Variants in GCNT2 observed in about 807,000 individuals in gnomAD.
GCNT2 encodes N-acetyllactosaminide beta-1,6-N-acetylglucosaminyl-transferase.
GCNT2 carries 34 observed loss-of-function variants against 34.2 expected under a neutral mutation model. That is an observed-to-expected ratio of 1.00 (90% CI 0.76 to 1.32). The LOEUF (loss-of-function observed/expected upper bound fraction) is 1.32, where lower values mean the gene tolerates loss of function less well. Among genes scored for constraint, GCNT2 ranks in the 40% most tolerant of loss-of-function variants. The pLI, the probability that GCNT2 is intolerant of heterozygous loss-of-function variation, is 0.00. For missense variants in GCNT2, 584 were observed against 489.4 expected (o/e 1.19, Z -1.82); for synonymous variants, 212 against 188.0 (o/e 1.13, Z -1.04).
chr6:10,612,836 T>C (rs1448249709), intron 3 of GCNT2, among the ~76,000 whole-genome samples: 1 of 152,212 alleles, frequency 6.6e-6, no homozygotes, highest in Non-Finnish European at 1.5e-5. Context: ...AACATCTTCA[T>C]ATACGGATTT....
chr6:10,617,605 C>A (rs928185049), intron 3 of GCNT2, among the ~76,000 whole-genome samples: 1 of 152,174 alleles, frequency 6.6e-6, no homozygotes, highest in African/African-American at 2.4e-5. Flanking sequence ...TCTGGGAATG[C>A]GGTCCAGTAG....
At chr6:10,562,068 T>TGA (rs1763010275) in intron 3 of GCNT2, among the ~76,000 whole-genome samples, 2 of 152,196 alleles carry the variant, frequency 1.3e-5, no homozygotes, top group Non-Finnish European at 2.9e-5. Context: ...GTCACACATC[T>TGA]GAGATGCCCA....
chr6:10,521,756 C>G (rs1018396778), intron 1 of GCNT2, among the ~76,000 whole-genome samples: 3 of 151,256 alleles, frequency 2.0e-5, no homozygotes, highest in African/African-American at 7.4e-5. Context: ...CATTAGTATC[C>G]TTCTGTATCT....
At chr6:10,572,916 A>C (rs1468191761) in intron 3 of GCNT2, among the ~76,000 whole-genome samples, 1 of 152,176 alleles carries the variant, frequency 6.6e-6, no homozygotes, top group African/African-American at 2.4e-5. Context: ...AAGCAGAAGA[A>C]ACGTCTGCTT....
chr6:10,584,659 A>G (rs1246929218), intron 3 of GCNT2, among the ~76,000 whole-genome samples: 1 of 152,182 alleles, frequency 6.6e-6, no homozygotes, highest in Non-Finnish European at 1.5e-5. Flanking sequence ...TAGTTAATAG[A>G]GAATGGAGAA....
chr6:10,551,527 C>T (rs1330675199), intron 3 of GCNT2, among the ~76,000 whole-genome samples: 3 of 151,014 alleles, frequency 2.0e-5, no homozygotes, highest in Non-Finnish European at 2.9e-5. Flanking sequence ...CTCACAGCAA[C>T]GTTCGCCTCC....
At position 10,528,985 on chromosome 6, in the gene GCNT2, A is replaced by G. The variant is rs777560724; in HGVS notation, c.74A>G (p.Asn25Ser). 21 of 1,613,890 alleles carry G rather than the reference A, an allele frequency of 1.3e-5. No individual in the cohort carries two copies. In the East Asian group the frequency reaches 3.6e-4, roughly 27 times the overall value. The change falls in exon 3 of 5, where the codon AAT becomes AGT. Residue 25 changes from asparagine (N) to serine (S), a missense_variant. Transcript: ENST00000495262. ...GCCCTGATTTTTGTATTTGTTTACA[A>G]TACTGAGTTATGGGAGAATAAACGT... ...ISALIFVFVY[N>S]TELWENKRFL...
chr6:10,582,491 A>C (rs1232944666), intron 3 of GCNT2, among the ~76,000 whole-genome samples: 11 of 106,446 alleles, frequency 1.0e-4, no homozygotes, highest in African/African-American at 3.4e-4. Context: ...TATATACTAT[A>C]ATATATAATA....
chr6:10,560,245 C>T (rs577341097), intron 3 of GCNT2, among the ~76,000 whole-genome samples: 3 of 152,036 alleles, frequency 2.0e-5, no homozygotes, highest in Admixed American at 6.6e-5. Flanking sequence ...CCCACCATCA[C>T]GCCCGGTTAA....
chr6:10,580,677 T>G (rs597152), intron 3 of GCNT2, among the ~76,000 whole-genome samples: 34,417 of 151,842 alleles, frequency 0.23, 5,384 homozygotes, highest in African/African-American at 0.44. Context: ...CGGCAAGGAT[T>G]TGAGAGTAGG....
chr6:10,578,483 G>A (rs1763925129), intron 3 of GCNT2, among the ~76,000 whole-genome samples: 1 of 126,464 alleles, frequency 7.9e-6, no homozygotes, highest in African/African-American at 3.2e-5. Context: ...GAGTCTCGCT[G>A]TCGCCCAGGC....
intron 3 of GCNT2, among the ~76,000 whole-genome samples, chr6:10,574,395 G>A (rs76391201): frequency 6.6e-6 from 1 of 152,146 alleles, no homozygotes; most frequent in Non-Finnish European, 1.5e-5. Context: ...GAAAACTGAG[G>A]CTATGAGTGT....
chr6:10,592,041 G>A (rs927135873), intron 3 of GCNT2, among the ~76,000 whole-genome samples: 1 of 152,186 alleles, frequency 6.6e-6, no homozygotes, highest in South Asian at 2.1e-4. Context: ...GATTGGACCC[G>A]TGACTGAGAA....
At chr6:10,610,165 T>C (rs1387458865) in intron 3 of GCNT2, among the ~76,000 whole-genome samples, 1 of 152,228 alleles carries the variant, frequency 6.6e-6, no homozygotes, top group African/African-American at 2.4e-5. Context: ...AATGCTATTA[T>C]CAACCAGCTT....
chr6:10,617,053 C>T (rs1037871364), intron 3 of GCNT2, among the ~76,000 whole-genome samples: 5 of 152,230 alleles, frequency 3.3e-5, no homozygotes, highest in Admixed American at 6.5e-5. Flanking sequence ...CCACTCCGTG[C>T]GCCTGCACTC....
rs142332513 is a variant in GCNT2 at position 10,621,723 on chromosome 6, C to T, written c.1018+280C>T. On this transcript the variant is annotated intron_variant, in intron 4 of 4. Coordinates refer to ENST00000495262, the MANE Select transcript of GCNT2 (RefSeq NM_145649.5). ...TGCTAGTTTTCAGCTTTCTTTCTTTCTTTAGAGACAGGGTTTCACTCTGTC... is the reference window on the plus strand; with the variant it reads ...TGCTAGTTTTCAGCTTTCTTTCTTTTTTTAGAGACAGGGTTTCACTCTGTC... The T allele has an allele frequency of 8.3e-5, 33 of 396,112 alleles. No homozygotes were observed. The Admixed American group carries it at 1.2e-3, about 14-fold the overall frequency. The allele number at this position is 396,112 out of a possible 1,614,324, so 24.5% of individuals were successfully genotyped here.
At chr6:10,614,060 C>T (rs1019286071) in intron 3 of GCNT2, among the ~76,000 whole-genome samples, 1 of 152,158 alleles carries the variant, frequency 6.6e-6, no homozygotes, top group Non-Finnish European at 1.5e-5. Context: ...CTCCATGTAT[C>T]TTTCAGCCCA....
At chr6:10,590,245 A>G (rs1383180386) in intron 3 of GCNT2, among the ~76,000 whole-genome samples, 5 of 152,098 alleles carry the variant, frequency 3.3e-5, no homozygotes, top group African/African-American at 1.2e-4. Context: ...CAAAAAATTT[A>G]AAAATTAGCT....
At chr6:10,582,858 C>G (rs369495095) in intron 3 of GCNT2, among the ~76,000 whole-genome samples, 42 of 152,024 alleles carry the variant, frequency 2.8e-4, no homozygotes, top group African/African-American at 1.0e-3. Flanking sequence ...ACCAGGTGCC[C>G]GGATTCTTGC....
Sources: allele counts gnomAD v4.1 joint callset (sites outside exome capture counted in the v4.1 genomes callset), GRCh38; gene constraint gnomAD v4.1.1; transcripts MANE v1.5; gene names NCBI Gene and HGNC (gene_info 2026-07-23, HGNC 2026-07-21).